The following NRAP variants were observed in gnomAD, a reference collection of about 807,000 sequenced individuals.
The protein encoded by NRAP is nebulin related anchoring protein.
In NRAP, 189 loss-of-function variants were observed where a neutral mutation model predicts 225.9. The observed-to-expected ratio is 0.84, with a 90% confidence interval of 0.74 to 0.94. The LOEUF is 0.94. Ranked by LOEUF, NRAP falls within the 40% of genes least tolerant of loss-of-function variation. The pLI is 0.00. For missense variants in NRAP, 2,176 were observed against 2,168.7 expected (o/e 1.00, Z -0.07); for synonymous variants, 769 against 790.7 (o/e 0.97, Z 0.46).
chr10:113,589,820 G>A (rs756854603), intron 40 of NRAP, 23 bp from the exon 41 acceptor site: 5 of 1,611,248 alleles, frequency 3.1e-6, no homozygotes, highest in Middle Eastern at 1.7e-4. Context: ...AGGGAAGCAA[G>A]AGGAATATGT....
intron 12 of NRAP, 127 bp from the exon 13 acceptor site, chr10:113,641,599 G>T: frequency 1.7e-6 from 1 of 600,082 alleles, no homozygotes. Context: ...AATAGTCAAC[G>T]TATCACAGAA....
rs774268644 is a variant in NRAP, at chr10:113,641,500, A to AT, written c.1216-29_1216-28insA. On this transcript the variant is annotated intron_variant, in intron 12 of 41. Coordinates refer to ENST00000359988, the MANE Select transcript of NRAP (RefSeq NM_198060.4). ...ACATGGAAACGCAAAGTTTTCAACCAAAGCATTCCCTTCACAAGTAGTTGA... is the reference window on the plus strand; with the variant it reads ...ACATGGAAACGCAAAGTTTTCAACCATAAGCATTCCCTTCACAAGTAGTTGA... The AT allele has an allele frequency of 6.3e-6, 9 of 1,417,538 alleles. No individual in the cohort carries two copies. The South Asian group carries it at 1.0e-4, about 16-fold the overall frequency. 87.8% of individuals were successfully genotyped at this position (1,417,538 alleles called of 1,614,324 possible).
chr10:113,606,652 C>A (rs1009925399), intron 32 of NRAP, among the ~76,000 whole-genome samples: 1 of 152,214 alleles, frequency 6.6e-6, no homozygotes, highest in Non-Finnish European at 1.5e-5. Flanking sequence ...GTGGAAGGGA[C>A]ATCTCCAAAC....
intron 25 of NRAP, among the ~76,000 whole-genome samples, chr10:113,618,414 G>A (rs554152262): frequency 1.1e-4 from 17 of 152,344 alleles, no homozygotes; most frequent in Middle Eastern, 3.4e-3. Flanking sequence ...GCTAAATCTA[G>A]CTCACCACCT....
intron 31 of NRAP, among the ~76,000 whole-genome samples, chr10:113,609,792 G>A (rs974662695): frequency 6.6e-6 from 1 of 152,106 alleles, no homozygotes; most frequent in Non-Finnish European, 1.5e-5. Context: ...ATCTCTCTCT[G>A]TTGGTCTTCA....
chr10:113,595,611 C>T lies in NRAP; in HGVS notation c.4536+12G>A, dbSNP rs1403281772. Reference sequence around the variant, plus strand: ...AGTGGGCACACGTTCCATGAACCACCAGTTCACTTACGTCACTCAGATGCA... The same window carrying T: ...AGTGGGCACACGTTCCATGAACCACTAGTTCACTTACGTCACTCAGATGCA... On this transcript the variant is annotated intron_variant, in intron 38 of 41. Transcript: ENST00000359988. 2.6e-6 allele frequency: 4 copies of T among 1,541,032 alleles called. No homozygotes were observed. The highest frequency in any genetic ancestry group is 3.6e-6 in the Non-Finnish European group (4 of 1,113,584).
Position 113,604,798 on chromosome 10 carries a change from G to A in NRAP, c.4038C>T (p.Tyr1346=). The A allele has an allele frequency of 1.2e-6, 2 of 1,614,166 alleles. No individual in the cohort carries two copies. The highest frequency in any genetic ancestry group is 1.7e-6 in the Non-Finnish European group (2 of 1,180,028). ...CTTGGCTGCTGGTCGCCCCCCTCCT[G>A]TACTGAAGCTCGCTCTGCAGCTGGC... ...RMGQLQSELQ[Y]RRGATSSQAQ... The change falls in exon 35 of 42, where the codon TAC becomes TAT. Residue 1346 remains tyrosine (Y), a synonymous_variant. Transcript: ENST00000359988.
intron 16 of NRAP, 55 bp from the exon 17 acceptor site, chr10:113,632,019 G>T: frequency 8.9e-7 from 1 of 1,129,058 alleles, no homozygotes; most frequent in Non-Finnish European, 1.3e-6. Context: ...CCTGCCAAAC[G>T]TCAAAGATTT....
chr10:113,621,814 CACACACACA>C (rs1848005427), intron 24 of NRAP, 46 bp downstream of exon 24: 65 of 1,506,436 alleles, frequency 4.3e-5, no homozygotes, highest in Non-Finnish European at 5.5e-5. Flanking sequence ...CTTGCACTAG[CACACACACA>C]ACACACACAT....
Position 113,645,936 on chromosome 10 carries a change from T to G in NRAP, c.999A>C (p.Lys333Asn). ...KKAHELASDI[K>N]YRQDFNKMKG... ...TCATCTTATTGAAGTCCTGCCTGTATTTTATCTGAAAAAAAAAACACAAAA... is the reference window on the plus strand; with the variant it reads ...TCATCTTATTGAAGTCCTGCCTGTAGTTTATCTGAAAAAAAAAACACAAAA... Residue 333 changes from lysine to asparagine, a missense_variant, in exon 11 of 42, where the codon AAA becomes AAC. Physicochemically the swap from Lys to Asn is moderately conservative, Grantham distance 94. This residue lies in a region of NRAP where 1,708 missense variants were observed against 1,695.5 expected (regional missense o/e 1.01). Transcript: ENST00000359988. 6.6e-7 allele frequency: 1 copy of G among 1,505,602 alleles called. No homozygotes were observed. The highest frequency in any genetic ancestry group is 9.0e-7 in the Non-Finnish European group (1 of 1,114,470). 93.3% of individuals were successfully genotyped at this position (1,505,602 alleles called of 1,614,324 possible). A position where few individuals can be genotyped will look rare whatever the true frequency, so the allele number is the denominator to read the frequency against.
intron 41 of NRAP, 84 bp downstream of exon 41, chr10:113,589,582 A>AAAAT (rs1845821492): frequency 3.3e-6 from 5 of 1,525,092 alleles, no homozygotes; most frequent in Non-Finnish European, 4.4e-6. Context: ...CCTTTGGCCA[A>AAAAT]AAATAAACTT....
At chr10:113,603,760 GA>G (rs1409294902) in intron 35 of NRAP, among the ~76,000 whole-genome samples, 1 of 152,150 alleles carries the variant, frequency 6.6e-6, no homozygotes, top group East Asian at 1.9e-4. Context: ...CTTGGCCTTT[GA>G]ACTTGCTATT....
At chr10:113,595,403 T>A (rs1314235435) in intron 38 of NRAP, among the ~76,000 whole-genome samples, 1 of 96,444 alleles carries the variant, frequency 1.0e-5, no homozygotes, top group African/African-American at 4.6e-5. Context: ...AGAATCTCAG[T>A]TTAGCTCAGC....
chr10:113,612,268 C>T lies in NRAP; in HGVS notation c.3464G>A (p.Ser1155Asn). 6.2e-7 allele frequency: 1 copy of T among 1,614,180 alleles called. No homozygotes were observed. Among genetic ancestry groups the T allele is most frequent in the Non-Finnish European group, 8.5e-7 (1 of 1,180,024 alleles). Residue 1155 changes from serine to asparagine, a missense_variant, in exon 30 of 42, where the codon AGC (serine) becomes AAC (asparagine). Transcript: ENST00000359988. ...YTSLAEDLRLSCAKKAHKLQS... is the reference protein window; with the variant it reads ...YTSLAEDLRLNCAKKAHKLQS... ...CAATTTGTGAGCTTTCTTGGCACAG[C>T]TCAGCCTCAGGTCTTCTGCCAAGGA...
intron 24 of NRAP, among the ~76,000 whole-genome samples, chr10:113,621,133 G>A (rs1411843793): frequency 1.3e-5 from 2 of 152,254 alleles, no homozygotes; most frequent in African/African-American, 4.8e-5. Context: ...AGGCAGCGGA[G>A]GCTTCCCACA....
At chr10:113,631,997 G>C in intron 16 of NRAP, 33 bp from the exon 17 acceptor site, 1 of 1,324,500 alleles carries the variant, frequency 7.6e-7, no homozygotes, top group Non-Finnish European at 1.1e-6. Context: ...AATAGGAGTT[G>C]CTACCCATAT....
intron 20 of NRAP, among the ~76,000 whole-genome samples, chr10:113,627,625 A>G (rs1275801050): frequency 6.6e-6 from 1 of 152,192 alleles, no homozygotes; most frequent in Non-Finnish European, 1.5e-5. Flanking sequence ...AATCCTAAAT[A>G]TGTCTCTGTC....
chr10:113,598,039 C>A lies in NRAP; in HGVS notation c.4262G>T (p.Gly1421Val), dbSNP rs920433235. The change falls in exon 36 of 42, where the codon GGC becomes GTC. Residue 1421 changes from glycine (G) to valine (V), a missense_variant. Around this residue, in one of 3 missense-constraint regions of NRAP, gnomAD observed 445 missense variants for 426.1 expected, o/e 1.04. Transcript: ENST00000359988. Reference sequence around the variant, plus strand: ...GGATCTCAGCGCCAGCCATCCTATGCCCTTCATGCCGATCAGGTCTGACTT... The same window carrying A: ...GGATCTCAGCGCCAGCCATCCTATGACCTTCATGCCGATCAGGTCTGACTT... The part of the protein sequence containing the change: ...RYKSDLIGMK[G>V]IGWLALRSPQ... The A allele has an allele frequency of 6.2e-7, 1 of 1,613,670 alleles. No individual in the cohort carries two copies. The highest frequency in any genetic ancestry group is 1.3e-5 in the African/African-American group (1 of 74,794).
intron 24 of NRAP, among the ~76,000 whole-genome samples, chr10:113,621,341 A>AC (rs56963967): frequency 1.4e-5 from 2 of 143,536 alleles, no homozygotes; most frequent in African/African-American, 2.5e-5. Context: ...ACACACACAC[A>AC]ACCTTCCTGT....
Sources: allele counts gnomAD v4.1 joint callset (sites outside exome capture counted in the v4.1 genomes callset), GRCh38; gene constraint gnomAD v4.1.1; regional missense constraint gnomAD v4.1.1; transcripts MANE v1.5; gene names NCBI Gene and HGNC (gene_info 2026-07-23, HGNC 2026-07-21).